KLHL14: variants seen among roughly 807,000 people sequenced by gnomAD.
The protein encoded by KLHL14 is kelch-like protein 14.
KLHL14 carries 22 observed loss-of-function variants against 64.3 expected under a neutral mutation model. The observed-to-expected ratio is 0.34, with a 90% CI of 0.24 to 0.49. The LOEUF is 0.49. Ranked by LOEUF, KLHL14 falls within the 20% of genes least tolerant of loss-of-function variation. The pLI is 0.99. For missense variants in KLHL14, 661 were observed against 789.0 expected, an observed-to-expected ratio of 0.84 and a Z score of 1.94; for synonymous variants, 322 against 333.4, an observed-to-expected ratio of 0.97 and a Z score of 0.37.
chr18:32,702,385 G>A (rs531744752), intron 3 of KLHL14, among the ~76,000 whole-genome samples: 2 of 147,510 alleles, frequency 1.4e-5, no homozygotes, highest in South Asian at 4.3e-4. Flanking sequence ...TATAGTAAAT[G>A]CAATTGAGAA....
chr18:32,696,606 A>G (rs2049937912), intron 3 of KLHL14, among the ~76,000 whole-genome samples: 2 of 152,116 alleles, frequency 1.3e-5, no homozygotes, highest in Admixed American at 6.6e-5. Context: ...ACACGGATCA[A>G]CAGAGCACTT....
Position 32,686,061 on chromosome 18 carries a change from G to A in KLHL14, c.1238+1094C>T, listed in dbSNP as rs1384485789. 9.3e-5 allele frequency among the ~76,000 whole-genome samples: 14 copies of A among 150,706 alleles called. No homozygotes were observed. In the South Asian group the frequency reaches 1.1e-3, roughly 11 times the overall value. On this transcript the variant is annotated intron_variant, in intron 5 of 8. Transcript: ENST00000359358. ...GAGTCTTACTTTGTTGCCCAGGCTG[G>A]AGTGCAGTGGCGCAATCTAGGCTCA...
chr18:32,702,922 T>A (rs1477394418), intron 3 of KLHL14, among the ~76,000 whole-genome samples: 1 of 152,150 alleles, frequency 6.6e-6, no homozygotes, highest in African/African-American at 2.4e-5. Context: ...AAAGTGCACA[T>A]TTAGGAGGCT....
chr18:32,680,125 G>A lies in KLHL14; in HGVS notation c.1588+44C>T. 1.3e-6 allele frequency: 2 copies of A among 1,589,926 alleles called. No individual in the cohort carries two copies. The highest frequency in any genetic ancestry group is 1.7e-6 in the Non-Finnish European group (2 of 1,162,202). Reference sequence around the variant, plus strand: ...ACCCCCTTAGCGAGAAATATGAGGTGCAAATGTTATTGTGACTAAAAAACA... The same window carrying A: ...ACCCCCTTAGCGAGAAATATGAGGTACAAATGTTATTGTGACTAAAAAACA... On this transcript the variant is annotated intron_variant, in intron 7 of 8. Coordinates refer to ENST00000359358, the MANE Select transcript of KLHL14 (RefSeq NM_020805.3). This position sits in a 1 kb window ranked among gnomAD's most constrained non-coding sequence, Gnocchi z 4.8.
At chr18:32,754,278 G>A (rs190416947) in intron 2 of KLHL14, among the ~76,000 whole-genome samples, 1 of 152,280 alleles carries the variant, frequency 6.6e-6, no homozygotes, top group African/African-American at 2.4e-5. Context: ...TGCCTCCTGA[G>A]AGCCAGTCTC....
At chr18:32,721,679 C>T (rs1393680135) in intron 3 of KLHL14, among the ~76,000 whole-genome samples, 1 of 152,138 alleles carries the variant, frequency 6.6e-6, no homozygotes, top group Non-Finnish European at 1.5e-5. Flanking sequence ...ACATGACTGG[C>T]TTTCCTCAAG....
chr18:32,684,089 C>T (rs1039055616), intron 5 of KLHL14, among the ~76,000 whole-genome samples: 2 of 151,972 alleles, frequency 1.3e-5, no homozygotes, highest in Non-Finnish European at 2.9e-5. Flanking sequence ...ACACTTCAAA[C>T]ATCAACTTTT....
chr18:32,756,693 G>A (rs1416173129), intron 2 of KLHL14, among the ~76,000 whole-genome samples: 1 of 152,106 alleles, frequency 6.6e-6, no homozygotes, highest in African/African-American at 2.4e-5. Context: ...CTTAAGGGTG[G>A]TGTTTAAATA....
rs1310786376 is a variant in KLHL14, at chr18:32,687,201, C to G, written c.1192G>C (p.Asp398His). The G allele has an allele frequency of 6.2e-7, 1 of 1,613,968 alleles. No homozygotes were observed. The highest frequency in any genetic ancestry group is 8.5e-7 in the Non-Finnish European group (1 of 1,179,882). Reference protein sequence around the residue: ...KHSTNFVSRYDPRFNSWIQLP... With the variant: ...KHSTNFVSRYHPRFNSWIQLP... ...TGAATCCAGCTATTAAATCGAGGATCATATCGGCTGACAAAATTTGTACTG... is the reference window on the plus strand; with the variant it reads ...TGAATCCAGCTATTAAATCGAGGATGATATCGGCTGACAAAATTTGTACTG... Residue 398 changes from aspartate to histidine, a missense_variant, in exon 5 of 9, where the codon GAT becomes CAT. This residue lies in a region of KLHL14 where 330 missense variants were observed against 450.0 expected (regional missense o/e 0.73). Transcript: ENST00000359358.
Position 32,685,162 on chromosome 18 carries a change from C to A in KLHL14, c.1238+1993G>T, listed in dbSNP as rs780601408. 2.1e-4 allele frequency among the ~76,000 whole-genome samples: 32 copies of A among 152,228 alleles called. 1 individual carries two copies. The highest frequency in any genetic ancestry group is 4.1e-4 in the Non-Finnish European group (28 of 68,024). On this transcript the variant is annotated intron_variant, in intron 5 of 8. Transcript: ENST00000359358. ...CGGGCGCCGACAGACCATGGCAGGT[C>A]TTTTTATCAGGTCAATGAGCTGCTA...
At chr18:32,713,683 G>C (rs2050031299) in intron 3 of KLHL14, among the ~76,000 whole-genome samples, 1 of 152,110 alleles carries the variant, frequency 6.6e-6, no homozygotes, top group Non-Finnish European at 1.5e-5. Context: ...GTAATATGCT[G>C]TTTTCACCTA....
chr18:32,714,770 G>GA (rs1262109370), intron 3 of KLHL14, among the ~76,000 whole-genome samples: 2 of 151,982 alleles, frequency 1.3e-5, no homozygotes, highest in East Asian at 3.9e-4. Flanking sequence ...TCACCCTCCA[G>GA]AAAAAACATC....
chr18:32,709,506 G>A (rs1209409808), intron 3 of KLHL14, among the ~76,000 whole-genome samples: 1 of 151,584 alleles, frequency 6.6e-6, no homozygotes, highest in Non-Finnish European at 1.5e-5. Context: ...AGAGTGCAGT[G>A]ATGTGATCAT....
intron 3 of KLHL14, among the ~76,000 whole-genome samples, chr18:32,720,548 G>T (rs12454409): frequency 0.24 from 36,643 of 152,044 alleles, 4,621 homozygotes; most frequent in Middle Eastern, 0.32. Flanking sequence ...CCTCAAGAAA[G>T]AAGTCTGGGA....
intron 2 of KLHL14, among the ~76,000 whole-genome samples, chr18:32,753,533 C>A (rs2050267292): frequency 6.6e-6 from 1 of 152,170 alleles, no homozygotes; most frequent in Admixed American, 6.5e-5. Context: ...TTCCTCTAGG[C>A]ACCAAACTTG....
At chr18:32,740,064 T>C (rs796672568) in intron 3 of KLHL14, among the ~76,000 whole-genome samples, 4 of 152,350 alleles carry the variant, frequency 2.6e-5, no homozygotes, top group African/African-American at 9.6e-5. Flanking sequence ...TTATATGATT[T>C]TCTCAAGGTC....
intron 3 of KLHL14, among the ~76,000 whole-genome samples, chr18:32,728,861 CA>C (rs1230430437): frequency 1.3e-5 from 2 of 152,114 alleles, no homozygotes; most frequent in Non-Finnish European, 2.9e-5. Flanking sequence ...AAGCTGTCAT[CA>C]AGAAACACCA....
intron 3 of KLHL14, among the ~76,000 whole-genome samples, chr18:32,714,815 AC>A (rs1452198668): frequency 1.7e-4 from 26 of 152,340 alleles, no homozygotes; most frequent in Non-Finnish European, 2.8e-4. Flanking sequence ...TCCAAGGCCA[AC>A]AAAAACAAAG....
chr18:32,734,638 T>A (rs185743321), intron 3 of KLHL14, among the ~76,000 whole-genome samples: 1 of 152,194 alleles, frequency 6.6e-6, no homozygotes, highest in Non-Finnish European at 1.5e-5. Context: ...TAAAAAATAA[T>A]GCAAAGTTAG....
Sources: allele counts gnomAD v4.1 joint callset (sites outside exome capture counted in the v4.1 genomes callset), GRCh38; gene constraint gnomAD v4.1.1; regional missense constraint gnomAD v4.1.1; non-coding constraint Gnocchi (gnomAD v3.1); transcripts MANE v1.5; gene names NCBI Gene and HGNC (gene_info 2026-07-23, HGNC 2026-07-21).